The following LPP variants were observed in gnomAD, a reference collection of about 807,000 sequenced individuals.
LPP encodes lipoma-preferred partner.
In LPP, 38 loss-of-function variants were observed where a neutral mutation model predicts 60.4. The ratio of observed to expected loss-of-function variants is 0.63; its 90% CI spans 0.49 to 0.83. LPP has a LOEUF of 0.83. Ranked by LOEUF, LPP falls within the 40% of genes least tolerant of loss-of-function variation. LPP has a pLI of 0.00. For synonymous variants in LPP, 328 were observed against 290.8 expected (o/e 1.13, Z -1.30); for missense variants, 902 against 783.6 (o/e 1.15, Z -1.80).
At chr3:188,499,686 TATC>T (rs903250614) in intron 5 of LPP, among the ~76,000 whole-genome samples, 2 of 152,276 alleles carry the variant, frequency 1.3e-5, no homozygotes, top group African/African-American at 4.8e-5. Flanking sequence ...TAAGTCTGGA[TATC>T]ATATTGGTTG....
intron 2 of LPP, among the ~76,000 whole-genome samples, chr3:188,268,576 G>A (rs1736470034): frequency 6.6e-6 from 1 of 152,228 alleles, no homozygotes; most frequent in African/African-American, 2.4e-5. Context: ...CTGAAACTCT[G>A]TGAATGGTAC....
chr3:188,287,319 C>T (rs573285430), intron 2 of LPP, among the ~76,000 whole-genome samples: 1 of 152,328 alleles, frequency 6.6e-6, no homozygotes, highest in Admixed American at 6.5e-5. Context: ...TTAATGCAGC[C>T]CATGGAGGCT....
chr3:188,669,168 G>A (rs571939741), intron 7 of LPP, among the ~76,000 whole-genome samples: 1 of 152,182 alleles, frequency 6.6e-6, no homozygotes, highest in Admixed American at 6.5e-5. Flanking sequence ...ACACTGAAGA[G>A]GACATTTTTA....
chr3:188,564,216 C>T (rs1831540250), intron 6 of LPP, among the ~76,000 whole-genome samples: 1 of 151,962 alleles, frequency 6.6e-6, no homozygotes, highest in South Asian at 2.1e-4. Flanking sequence ...TCAGGTCCAC[C>T]TTCCATGCCA....
At chr3:188,344,574 A>G (rs1157449068) in intron 3 of LPP, among the ~76,000 whole-genome samples, 2 of 152,142 alleles carry the variant, frequency 1.3e-5, no homozygotes, top group Non-Finnish European at 2.9e-5. Context: ...TCTCTTATAT[A>G]TGATTTTATT....
chr3:188,365,406 T>A (rs1770829338), intron 3 of LPP, among the ~76,000 whole-genome samples: 1 of 152,236 alleles, frequency 6.6e-6, no homozygotes, highest in Non-Finnish European at 1.5e-5. Flanking sequence ...CTCTGCTCTC[T>A]GCCATGTCAA....
intron 2 of LPP, among the ~76,000 whole-genome samples, chr3:188,287,400 C>T (rs920335320): frequency 6.6e-6 from 1 of 152,212 alleles, no homozygotes; most frequent in African/African-American, 2.4e-5. Flanking sequence ...CAAGGTCACA[C>T]ATCGAGGAAA....
At chr3:188,221,009 C>T (rs954738327) in intron 1 of LPP, among the ~76,000 whole-genome samples, 4 of 152,094 alleles carry the variant, frequency 2.6e-5, no homozygotes, top group African/African-American at 7.2e-5. Flanking sequence ...TGTCACTTCC[C>T]GAAACGCAAC....
At chr3:188,341,110 A>G (rs1578199959) in intron 2 of LPP, among the ~76,000 whole-genome samples, 1 of 152,118 alleles carries the variant, frequency 6.6e-6, no homozygotes, top group African/African-American at 2.4e-5. Context: ...TACTTTTCCC[A>G]TTTCCTCATT....
chr3:188,607,380 T>C (rs1425417520), intron 6 of LPP, among the ~76,000 whole-genome samples: 1 of 16,692 alleles, frequency 6.0e-5, no homozygotes, highest in Non-Finnish European at 1.1e-4. Context: ...GATATATATA[T>C]ATATATATAT....
chr3:188,660,953 C>T (rs73056774), intron 7 of LPP, among the ~76,000 whole-genome samples: 3 of 151,996 alleles, frequency 2.0e-5, no homozygotes, highest in Admixed American at 6.6e-5. Context: ...TAGAATCATG[C>T]GGAATACTTT....
intron 9 of LPP, among the ~76,000 whole-genome samples, chr3:188,856,967 T>C (rs1417579042): frequency 6.6e-6 from 1 of 152,188 alleles, no homozygotes; most frequent in Non-Finnish European, 1.5e-5. Flanking sequence ...AGTAATTATG[T>C]TAATTTTATC....
At chr3:188,459,547 C>T (rs1165316192) in intron 4 of LPP, among the ~76,000 whole-genome samples, 4 of 152,132 alleles carry the variant, frequency 2.6e-5, no homozygotes, top group African/African-American at 9.7e-5. Context: ...TCCTGATTCC[C>T]ATCGTTCAAA....
chr3:188,301,018 C>T, intron 2 of LPP, among the ~76,000 whole-genome samples: 2 of 152,280 alleles, frequency 1.3e-5, no homozygotes, highest in Admixed American at 1.3e-4. Context: ...GTCTGCTCAG[C>T]ATCTTATCTT....
At chr3:188,813,048 G>T (rs1200610243) in intron 9 of LPP, among the ~76,000 whole-genome samples, 2 of 152,088 alleles carry the variant, frequency 1.3e-5, no homozygotes, top group Non-Finnish European at 1.5e-5. Flanking sequence ...TATGAAGTTT[G>T]CTATTATTTT....
At chr3:188,544,069 T>C (rs1825903958) in intron 6 of LPP, among the ~76,000 whole-genome samples, 1 of 152,186 alleles carries the variant, frequency 6.6e-6, no homozygotes, top group African/African-American at 2.4e-5. Flanking sequence ...TTAAGAAAGT[T>C]ATACCTGAAT....
At chr3:188,828,815 TATAA>T (rs1756366354) in intron 9 of LPP, among the ~76,000 whole-genome samples, 1 of 152,090 alleles carries the variant, frequency 6.6e-6, no homozygotes, top group Admixed American at 6.6e-5. Context: ...GCCTGTCTCC[TATAA>T]ATATAGTGAT....
intron 6 of LPP, among the ~76,000 whole-genome samples, chr3:188,528,945 T>C (rs903620989): frequency 6.6e-6 from 1 of 152,224 alleles, no homozygotes; most frequent in Admixed American, 6.5e-5. Context: ...AAAAAATTAA[T>C]TGTAATAGCC....
At chr3:188,242,512 C>A (rs969971578) in intron 2 of LPP, among the ~76,000 whole-genome samples, 1 of 152,150 alleles carries the variant, frequency 6.6e-6, no homozygotes, top group African/African-American at 2.4e-5. Flanking sequence ...CAAGCATTTT[C>A]ATCCATTCAA....
Sources: allele counts gnomAD v4.1 joint callset (sites outside exome capture counted in the v4.1 genomes callset), GRCh38; gene constraint gnomAD v4.1.1; transcripts MANE v1.5; gene names NCBI Gene and HGNC (gene_info 2026-07-23, HGNC 2026-07-21).